The following ZZEF1 variants were observed in gnomAD, a reference collection of about 807,000 sequenced individuals.
The protein encoded by ZZEF1 is zinc finger ZZ-type and EF-hand domain containing 1.
A neutral mutation model predicts 342.8 loss-of-function variants in ZZEF1; 157 were observed. The ratio of observed to expected loss-of-function variants is 0.46; its 90% CI spans 0.40 to 0.52. The LOEUF is 0.52. Among genes scored for constraint, ZZEF1 ranks in the 20% least tolerant of loss-of-function variants. ZZEF1 has a pLI of 0.00. For missense variants in ZZEF1, 3,480 were observed against 3,725.6 expected, an observed-to-expected ratio of 0.93 and a Z score of 1.72; for synonymous variants, 1,505 against 1,429.1, an observed-to-expected ratio of 1.05 and a Z score of -1.20.
intron 37 of ZZEF1, among the ~76,000 whole-genome samples, chr17:4,046,775 T>C (rs529937797): frequency 6.6e-6 from 1 of 152,362 alleles, no homozygotes; most frequent in African/African-American, 2.4e-5. Flanking sequence ...CTTATCTTTT[T>C]TCCTGTTATC....
At chr17:4,054,854 A>G (rs1020166288) in intron 33 of ZZEF1, among the ~76,000 whole-genome samples, 7 of 152,326 alleles carry the variant, frequency 4.6e-5, no homozygotes, top group African/African-American at 1.7e-4. Context: ...CCCATGGCAC[A>G]TTATAAGGGC....
At chr17:4,096,821 C>T (rs879316735) in intron 9 of ZZEF1, 121 bp from the exon 10 acceptor site, 10 of 755,606 alleles carry the variant, frequency 1.3e-5, no homozygotes, top group East Asian at 1.0e-4. Flanking sequence ...GATATCTTCA[C>T]GAAAATTAGA....
chr17:4,020,929 A>C (rs1485614740), intron 45 of ZZEF1, among the ~76,000 whole-genome samples, 200 bp downstream of exon 45: 1 of 152,212 alleles, frequency 6.6e-6, no homozygotes, highest in Admixed American at 6.5e-5. Flanking sequence ...TTATAACCCA[A>C]AATATTAAGA....
intron 39 of ZZEF1, among the ~76,000 whole-genome samples, chr17:4,041,934 A>T (rs928520469): frequency 6.6e-6 from 1 of 152,150 alleles, no homozygotes. Context: ...GAATATCTGT[A>T]TTTAGGCTAT....
At chr17:4,027,217 G>A (rs886635135) in intron 42 of ZZEF1, among the ~76,000 whole-genome samples, 3 of 147,254 alleles carry the variant, frequency 2.0e-5, no homozygotes, top group African/African-American at 7.6e-5. Flanking sequence ...TTCAAGCTTT[G>A]TGATCCTGTC....
intron 28 of ZZEF1, 26 bp from the exon 29 acceptor site, chr17:4,064,855 GA>G (rs71383514): frequency 0.016 from 16,359 of 1,005,894 alleles, no homozygotes; most frequent in East Asian, 0.025. Flanking sequence ...AATCATAATT[GA>G]AAAAAAAAAA....
intron 24 of ZZEF1, among the ~76,000 whole-genome samples, chr17:4,073,459 T>C (rs562820058): frequency 1.6e-4 from 25 of 152,184 alleles, no homozygotes; most frequent in Admixed American, 9.8e-4. Context: ...GAGACAAGAG[T>C]CTCTCTCTGT....
chr17:4,026,814 C>T (rs2056416808), intron 42 of ZZEF1, among the ~76,000 whole-genome samples: 1 of 152,006 alleles, frequency 6.6e-6, no homozygotes, highest in African/African-American at 2.4e-5. Context: ...GCCACCACAC[C>T]CAGCCTTTAA....
chr17:4,013,415 C>A, intron 52 of ZZEF1, 34 bp downstream of exon 52: 11 of 1,544,466 alleles, frequency 7.1e-6, no homozygotes, highest in Non-Finnish European at 9.7e-6. Flanking sequence ...ATACATATGC[C>A]TGGCAAAGGG....
rs377609994 is a variant in ZZEF1 at position 4,068,158 on chromosome 17, A to G, written c.4076-916T>C. Among the ~76,000 whole-genome samples the G allele has an allele frequency of 9.3e-4, 142 of 152,342 alleles. 1 individual carries two copies. In the South Asian group the frequency reaches 0.027, roughly 29 times the overall value. On this transcript the variant is annotated intron_variant, in intron 26 of 54. Coordinates refer to ENST00000381638, the MANE Select transcript of ZZEF1 (RefSeq NM_015113.4). Reference sequence around the variant, plus strand: ...TACATACATATGAATATACCTACATAAAGTCCAGGTAAATAGAAAAACATT... The same window carrying G: ...TACATACATATGAATATACCTACATGAAGTCCAGGTAAATAGAAAAACATT...
chr17:4,132,702 GGCGCCTGT>G (rs2145592911), intron 1 of ZZEF1, among the ~76,000 whole-genome samples: 1 of 116,574 alleles, frequency 8.6e-6, no homozygotes, highest in Non-Finnish European at 2.0e-5. Flanking sequence ...TGTGGTGGCG[GGCGCCTGT>G]AATCCCAGCA....
chr17:4,020,139 A>AT (rs1159351499), intron 45 of ZZEF1: 6 of 172,422 alleles, frequency 3.5e-5, no homozygotes, highest in East Asian at 1.8e-4. Context: ...TTTTCTTTTG[A>AT]TTTTTTTTGA....
intron 30 of ZZEF1, among the ~76,000 whole-genome samples, chr17:4,060,298 C>G (rs2057255773): frequency 6.6e-6 from 1 of 152,192 alleles, no homozygotes; most frequent in Admixed American, 6.5e-5. Context: ...GGCATGGTGG[C>G]TCACATCTGT....
chr17:4,022,303 C>T (rs539538317), intron 44 of ZZEF1: 7 of 170,772 alleles, frequency 4.1e-5, no homozygotes, highest in Non-Finnish European at 7.6e-5. Flanking sequence ...CTAAGGTCTA[C>T]GGGGAACAGT....
chr17:4,064,380 G>C lies in ZZEF1; in HGVS notation c.4699C>G (p.Gln1567Glu). 2 of 1,596,416 alleles carry C rather than the reference G, an allele frequency of 1.3e-6. No homozygotes were observed. Among genetic ancestry groups the C allele is most frequent in the Non-Finnish European group, 8.6e-7 (1 of 1,166,838 alleles). ...LKDVMDFIKD[Q>E]SLSHRSVVKV... ...GCTTACCTCCTGTGCGAGAGCGACT[G>C]ATCCTTAATGAAGTCCATGACGTCC... The change falls in exon 29 of 55, where the codon CAG becomes GAG. Residue 1567 changes from glutamine to glutamate, a missense_variant. This residue lies in a region of ZZEF1 where 1,528 missense variants were observed against 1,624.1 expected (regional missense o/e 0.94). Transcript: ENST00000381638.
At chr17:4,109,330 T>C (rs2058258851) in intron 6 of ZZEF1, among the ~76,000 whole-genome samples, 1 of 152,180 alleles carries the variant, frequency 6.6e-6, no homozygotes, top group Admixed American at 6.5e-5. Flanking sequence ...TACTTCCCAA[T>C]GGACAAGGAA....
At chr17:4,036,306 C>T (rs1460605474) in intron 39 of ZZEF1, among the ~76,000 whole-genome samples, 1 of 152,134 alleles carries the variant, frequency 6.6e-6, no homozygotes. Context: ...GGCACCTGTG[C>T]ATTTAAAAAT....
chr17:4,130,964 G>A (rs2058654110), intron 1 of ZZEF1, among the ~76,000 whole-genome samples: 1 of 152,168 alleles, frequency 6.6e-6, no homozygotes, highest in Non-Finnish European at 1.5e-5. Flanking sequence ...GAAGCCAGAA[G>A]GCAATGAAAG....
chr17:4,113,199 A>G (rs1163504772), intron 4 of ZZEF1, among the ~76,000 whole-genome samples: 1 of 152,176 alleles, frequency 6.6e-6, no homozygotes, highest in Non-Finnish European at 1.5e-5. Flanking sequence ...AAAACAATAT[A>G]ATTATTTCTG....
Sources: allele counts gnomAD v4.1 joint callset (sites outside exome capture counted in the v4.1 genomes callset), GRCh38; gene constraint gnomAD v4.1.1; regional missense constraint gnomAD v4.1.1; transcripts MANE v1.5; gene names NCBI Gene and HGNC (gene_info 2026-07-23, HGNC 2026-07-21).